The following HMGA2 variants were observed in gnomAD, a reference collection of about 807,000 sequenced individuals.
HMGA2 encodes high mobility group AT-hook 2.
A neutral mutation model predicts 19.1 loss-of-function variants in HMGA2; 8 were observed. The observed-to-expected ratio is 0.42, with a 90% CI of 0.25 to 0.76. The LOEUF (loss-of-function observed/expected upper bound fraction) is 0.76. HMGA2 is among the 30% of genes least tolerant of loss of function. The pLI is 0.28. For missense variants in HMGA2, 109 were observed against 136.3 expected, an observed-to-expected ratio of 0.80 and a Z score of 1.00; for synonymous variants, 60 against 48.8, an observed-to-expected ratio of 1.23 and a Z score of -0.96.
In HMGA2 at chr12:65,949,307, A is replaced by G. The variant is rs568802007; in HGVS notation, c.250-2076A>G. Among the ~76,000 whole-genome samples, 171 of 152,118 alleles carry G rather than the reference A, an allele frequency of 1.1e-3. 1 individual carries two copies. The highest frequency in any genetic ancestry group is 1.9e-3 in the Non-Finnish European group (131 of 67,970). On this transcript the variant is annotated intron_variant, in intron 3 of 4. Coordinates refer to ENST00000403681, the MANE Select transcript of HMGA2 (RefSeq NM_003483.6). ...AAAAAAAAGCTCTAATGATTTTTAT[A>G]TGGAATTTTTAATGTACCAGCAATA...
intron 3 of HMGA2, among the ~76,000 whole-genome samples, chr12:65,890,148 C>T (rs1318068688): frequency 6.6e-6 from 1 of 152,150 alleles, no homozygotes; most frequent in East Asian, 1.9e-4. Flanking sequence ...TCCTGAAAAT[C>T]ATTATGCCAC....
chr12:65,923,121 G>A (rs900023823), intron 3 of HMGA2, among the ~76,000 whole-genome samples: 1 of 152,100 alleles, frequency 6.6e-6, no homozygotes, highest in African/African-American at 2.4e-5. Flanking sequence ...TGGAAACGAG[G>A]GGAAGCTGCT....
At chr12:65,845,505 G>A (rs61425523) in intron 3 of HMGA2, among the ~76,000 whole-genome samples, 33,920 of 151,980 alleles carry the variant, frequency 0.22, 8,046 homozygotes, top group African/African-American at 0.59. Context: ...CTGACTTCAG[G>A]TGATCCTCCC....
intron 3 of HMGA2, among the ~76,000 whole-genome samples, chr12:65,843,993 G>A (rs1871126867): frequency 6.8e-6 from 1 of 147,352 alleles, no homozygotes; most frequent in Non-Finnish European, 1.5e-5. Flanking sequence ...AGGTTGCAGT[G>A]AGCTTGGTGA....
At chr12:65,945,504 C>T (rs1876234566) in intron 3 of HMGA2, among the ~76,000 whole-genome samples, 1 of 151,674 alleles carries the variant, frequency 6.6e-6, no homozygotes, top group Non-Finnish European at 1.5e-5. Flanking sequence ...TTTCACAGCA[C>T]ATAAATGAAA....
intron 4 of HMGA2, chr12:65,953,406 G>T (rs1176836468): frequency 6.6e-6 from 1 of 152,136 alleles, no homozygotes; most frequent in African/African-American, 2.4e-5. Flanking sequence ...TTGTTGTTGA[G>T]TTGCAGAAGG....
At chr12:65,930,804 C>CGG (rs1324341627) in intron 3 of HMGA2, among the ~76,000 whole-genome samples, 1 of 151,964 alleles carries the variant, frequency 6.6e-6, no homozygotes. Context: ...ATAAAACAAT[C>CGG]GATATCTTAA....
At chr12:65,874,193 C>A (rs1248125326) in intron 3 of HMGA2, 1 of 151,170 alleles carries the variant, frequency 6.6e-6, no homozygotes, top group Non-Finnish European at 1.5e-5. Flanking sequence ...TTATCACCTA[C>A]AAGAAAAGAA....
At chr12:65,917,615 A>C (rs1418572995) in intron 3 of HMGA2, among the ~76,000 whole-genome samples, 1 of 152,158 alleles carries the variant, frequency 6.6e-6, no homozygotes, top group East Asian at 1.9e-4. Flanking sequence ...AAACACATAA[A>C]ACAGGCAGAA....
intron 3 of HMGA2, among the ~76,000 whole-genome samples, chr12:65,893,316 G>T (rs1873993185): frequency 6.6e-6 from 1 of 152,206 alleles, no homozygotes; most frequent in African/African-American, 2.4e-5. Flanking sequence ...TTCATGACAA[G>T]ATATGCCATG....
chr12:65,859,926 A>G, intron 3 of HMGA2: 1 of 290,304 alleles, frequency 3.4e-6, no homozygotes, highest in Non-Finnish European at 7.1e-6. Context: ...TCTAAAAAAA[A>G]AAAAAAAATT....
intron 3 of HMGA2, chr12:65,942,749 C>T (rs1876133234): frequency 6.6e-6 from 1 of 152,194 alleles, no homozygotes. Flanking sequence ...ACCGGAGCAT[C>T]CCCTTAACAC....
At chr12:65,936,898 C>T (rs368310612) in intron 3 of HMGA2, among the ~76,000 whole-genome samples, 1 of 152,110 alleles carries the variant, frequency 6.6e-6, no homozygotes, top group Non-Finnish European at 1.5e-5. Context: ...CCCTGTTCTT[C>T]CCCCACTATC....
intron 3 of HMGA2, among the ~76,000 whole-genome samples, chr12:65,846,776 A>T (rs1871250656): frequency 6.6e-6 from 1 of 152,146 alleles, no homozygotes; most frequent in Non-Finnish European, 1.5e-5. Context: ...CACGATTATA[A>T]ATCAAGTCTG....
At chr12:65,842,750 C>A in intron 3 of HMGA2, 8 of 1,385,528 alleles carry the variant, frequency 5.8e-6, no homozygotes, top group Non-Finnish European at 7.5e-6. Flanking sequence ...ATTCCATTAG[C>A]CAGTCCTGCC....
intron 3 of HMGA2, among the ~76,000 whole-genome samples, chr12:65,923,696 C>G (rs1288751767): frequency 6.6e-6 from 1 of 152,170 alleles, no homozygotes; most frequent in Non-Finnish European, 1.5e-5. Flanking sequence ...ATTGGAGATG[C>G]CAGACTTTAT....
chr12:65,888,720 C>T (rs968343095), intron 3 of HMGA2, among the ~76,000 whole-genome samples: 30 of 151,176 alleles, frequency 2.0e-4, no homozygotes, highest in African/African-American at 7.3e-4. Flanking sequence ...CCCGCCACCA[C>T]GCCCGGCTAA....
At chr12:65,901,737 C>T (rs1475027299) in intron 3 of HMGA2, among the ~76,000 whole-genome samples, 1 of 151,960 alleles carries the variant, frequency 6.6e-6, no homozygotes, top group Non-Finnish European at 1.5e-5. Flanking sequence ...GAGATCCTGA[C>T]GTTAAACATT....
At chr12:65,912,479 T>A (rs1213261542) in intron 3 of HMGA2, among the ~76,000 whole-genome samples, 1 of 152,230 alleles carries the variant, frequency 6.6e-6, no homozygotes, top group Non-Finnish European at 1.5e-5. Context: ...GCTCCTGCTC[T>A]GTCTAGAACC....
Sources: gnomAD v4.1 joint callset for allele counts (sites outside exome capture counted in the v4.1 genomes callset) on GRCh38, gnomAD v4.1.1 for gene constraint, MANE v1.5 for transcripts, NCBI Gene and HGNC (gene_info 2026-07-23, HGNC 2026-07-21) for gene names.